The following MACROD2 variants were observed in gnomAD, a reference collection of about 807,000 sequenced individuals.
MACROD2 encodes mono-ADP ribosylhydrolase 2.
Under a neutral mutation model 70.4 loss-of-function variants are expected in MACROD2, and 36 were observed. That is an observed-to-expected ratio of 0.51 (90% CI 0.39 to 0.68). MACROD2 has a LOEUF of 0.68. MACROD2 is among the 30% of genes least tolerant of loss of function. The pLI, the probability that MACROD2 is intolerant of heterozygous loss-of-function variation, is 0.00. For missense variants in MACROD2, 496 were observed against 538.4 expected (o/e 0.92, Z 0.78); for synonymous variants, 172 against 178.8 (o/e 0.96, Z 0.30).
Position 15,987,058 on chromosome 20 carries a change from C to G in MACROD2, c.1061-8C>G, listed in dbSNP as rs779796123. 7 of 1,603,804 alleles carry G rather than the reference C, an allele frequency of 4.4e-6. No homozygotes were observed. The highest frequency in any genetic ancestry group is 6.0e-6 in the Non-Finnish European group (7 of 1,176,032). On this transcript the variant is annotated splice_region_variant and splice_polypyrimidine_tract_variant and intron_variant, in intron 14 of 17. Transcript: ENST00000684519. Reference sequence around the variant, plus strand: ...ACCCTGAGTGTCCATCTGTCTCATTCTATTTAGAACTTTCATCAAACCAAG... The same window carrying G: ...ACCCTGAGTGTCCATCTGTCTCATTGTATTTAGAACTTTCATCAAACCAAG...
chr20:15,324,611 T>C (rs997895056), intron 6 of MACROD2, among the ~76,000 whole-genome samples: 1 of 152,148 alleles, frequency 6.6e-6, no homozygotes, highest in African/African-American at 2.4e-5. Flanking sequence ...GAAGTAACGT[T>C]CTCCTTAGCC....
At chr20:15,468,065 C>A (rs978848985) in intron 7 of MACROD2, among the ~76,000 whole-genome samples, 2 of 152,096 alleles carry the variant, frequency 1.3e-5, no homozygotes, top group African/African-American at 2.4e-5. Context: ...CTTTAGATGG[C>A]AAATTTTATG....
chr20:14,233,261 G>A (rs1217462500), intron 3 of MACROD2, among the ~76,000 whole-genome samples: 1 of 152,118 alleles, frequency 6.6e-6, no homozygotes, highest in African/African-American at 2.4e-5. Flanking sequence ...GAGCACATCC[G>A]CTTGGGAAAA....
At chr20:14,476,932 T>C in intron 3 of MACROD2, among the ~76,000 whole-genome samples, 1 of 152,208 alleles carries the variant, frequency 6.6e-6, no homozygotes, top group East Asian at 1.9e-4. Flanking sequence ...AAGGCCAAGA[T>C]GTGGCAGAAA....
intron 10 of MACROD2, among the ~76,000 whole-genome samples, chr20:15,926,389 A>G (rs913181751): frequency 1.3e-5 from 2 of 152,212 alleles, no homozygotes; most frequent in African/African-American, 4.8e-5. Flanking sequence ...CCTACCAGGT[A>G]CTTAGGAAAC....
intron 2 of MACROD2, among the ~76,000 whole-genome samples, chr20:14,062,520 G>A (rs1428460091): frequency 1.3e-5 from 2 of 152,120 alleles, no homozygotes; most frequent in Non-Finnish European, 2.9e-5. Context: ...ATTCCAGTTA[G>A]AACAATATTT....
At position 15,326,889 on chromosome 20, in the gene MACROD2, C is replaced by T. The variant is rs145404630; in HGVS notation, c.540+96828C>T. ...ACTGGTGGAGAGCAAATCAGAAATG[C>T]GGTGAATTCCCAAAATATTGGGACA... On this transcript the variant is annotated intron_variant, in intron 6 of 17. Coordinates refer to ENST00000684519, the MANE Select transcript of MACROD2 (RefSeq NM_001351661.2). 1.6e-3 allele frequency among the ~76,000 whole-genome samples: 242 copies of T among 152,192 alleles called. 1 individual carries two copies. The highest frequency in any genetic ancestry group is 5.4e-3 in the African/African-American group (223 of 41,532).
At chr20:14,438,278 A>G (rs973461994) in intron 3 of MACROD2, among the ~76,000 whole-genome samples, 5 of 152,210 alleles carry the variant, frequency 3.3e-5, no homozygotes, top group African/African-American at 1.2e-4. Flanking sequence ...ATAATATTCA[A>G]TTGTGTATGT....
At chr20:14,444,001 A>T (rs1465702791) in intron 3 of MACROD2, among the ~76,000 whole-genome samples, 1 of 152,144 alleles carries the variant, frequency 6.6e-6, no homozygotes, top group Non-Finnish European at 1.5e-5. Context: ...TTTAATTTAT[A>T]TGTTATTTTA....
intron 3 of MACROD2, among the ~76,000 whole-genome samples, chr20:14,108,803 A>G (rs971340130): frequency 3.3e-5 from 5 of 152,052 alleles, no homozygotes; most frequent in Non-Finnish European, 7.4e-5. Context: ...GATATAACCC[A>G]ATACAATAAT....
At chr20:15,982,113 A>G (rs1222841942) in intron 13 of MACROD2, among the ~76,000 whole-genome samples, 1 of 151,962 alleles carries the variant, frequency 6.6e-6, no homozygotes, top group Non-Finnish European at 1.5e-5. Flanking sequence ...TGTTCTAGCT[A>G]TTACTTTACT....
intron 6 of MACROD2, among the ~76,000 whole-genome samples, chr20:15,249,554 G>C (rs1269648233): frequency 6.6e-6 from 1 of 152,060 alleles, no homozygotes; most frequent in African/African-American, 2.4e-5. Context: ...ATACTCCAAG[G>C]CACCCAAGGC....
chr20:14,873,537 C>A (rs1405557863), intron 5 of MACROD2, among the ~76,000 whole-genome samples: 2 of 152,046 alleles, frequency 1.3e-5, no homozygotes, highest in Non-Finnish European at 2.9e-5. Context: ...CTCATTAATG[C>A]ATAAACATGT....
intron 3 of MACROD2, among the ~76,000 whole-genome samples, chr20:14,396,086 A>T (rs2083577046): frequency 6.6e-6 from 1 of 152,172 alleles, no homozygotes. Flanking sequence ...TTGTGATAGG[A>T]CAATATACTT....
In MACROD2 at chr20:15,320,047, A is replaced by G. The variant is rs535370414; in HGVS notation, c.540+89986A>G. Among the ~76,000 whole-genome samples, 390 of 152,240 alleles carry G rather than the reference A, an allele frequency of 2.6e-3. 3 individuals are homozygous for G. The highest frequency in any genetic ancestry group is 5.0e-3 in the Non-Finnish European group (341 of 68,000). On this transcript the variant is annotated intron_variant, in intron 6 of 17. Coordinates refer to ENST00000684519, the MANE Select transcript of MACROD2 (RefSeq NM_001351661.2). ...AACATGGTGAAACCCCATCTCTACT[A>G]AAAATAAATTGCTGAGCGTGGTGAC... is the stretch of plus-strand genomic sequence containing the variant.
chr20:15,685,169 C>T (rs1325775467), intron 8 of MACROD2, among the ~76,000 whole-genome samples: 5 of 151,570 alleles, frequency 3.3e-5, no homozygotes, highest in African/African-American at 1.2e-4. Context: ...AGTGAAATAC[C>T]CATATTTATG....
intron 6 of MACROD2, among the ~76,000 whole-genome samples, chr20:15,409,497 G>A (rs144504127): frequency 2.3e-4 from 35 of 152,312 alleles, no homozygotes; most frequent in African/African-American, 8.4e-4. Flanking sequence ...GGATAAAGAT[G>A]GTTTGAACAT....
At chr20:14,455,972 C>G (rs1265129881) in intron 3 of MACROD2, among the ~76,000 whole-genome samples, 1 of 151,650 alleles carries the variant, frequency 6.6e-6, no homozygotes, top group Non-Finnish European at 1.5e-5. Context: ...CTTAAACAAT[C>G]AATTACTAGG....
intron 8 of MACROD2, among the ~76,000 whole-genome samples, chr20:15,610,980 T>C (rs1568927570): frequency 7.4e-6 from 1 of 134,976 alleles, no homozygotes; most frequent in Non-Finnish European, 1.6e-5. Flanking sequence ...TTATGTCTTT[T>C]AGCCAAAAAT....
Sources: allele counts gnomAD v4.1 joint callset (sites outside exome capture counted in the v4.1 genomes callset), GRCh38; gene constraint gnomAD v4.1.1; transcripts MANE v1.5; gene names NCBI Gene and HGNC (gene_info 2026-07-23, HGNC 2026-07-21).